RBFOX1: variants seen among roughly 807,000 people sequenced by gnomAD.
RBFOX1 encodes RNA binding fox-1 homolog 1.
In RBFOX1, 8 loss-of-function variants were observed where a neutral mutation model predicts 57.7. That is an observed-to-expected ratio of 0.14 (90% CI 0.08 to 0.25). RBFOX1 has a LOEUF of 0.25. RBFOX1 is among the 10% of genes least tolerant of loss of function. The pLI is 1.00. For synonymous variants in RBFOX1, 326 were observed against 222.4 expected (o/e 1.47, Z -4.15); for missense variants, 611 against 548.5 (o/e 1.11, Z -1.14).
chr16:6,875,158 A>G (rs1294927762), intron 3 of RBFOX1, among the ~76,000 whole-genome samples: 1 of 152,206 alleles, frequency 6.6e-6, no homozygotes, highest in Admixed American at 6.5e-5. Context: ...TAATGCCTAC[A>G]GTGCTTGTGC....
At chr16:6,980,550 C>A (rs561392845) in intron 3 of RBFOX1, among the ~76,000 whole-genome samples, 34 of 152,262 alleles carry the variant, frequency 2.2e-4, no homozygotes, top group South Asian at 8.3e-4. Flanking sequence ...TAACATTTGA[C>A]ATGAGAATCA....
At chr16:5,728,619 G>A (rs1018265396) in intron 3 of RBFOX1, among the ~76,000 whole-genome samples, 56 of 152,078 alleles carry the variant, frequency 3.7e-4, no homozygotes, top group African/African-American at 1.1e-3. Flanking sequence ...GTCACTCCTC[G>A]CACATGTGAG....
At chr16:6,195,453 C>T (rs1400808986) in intron 1 of RBFOX1, among the ~76,000 whole-genome samples, 4 of 152,188 alleles carry the variant, frequency 2.6e-5, no homozygotes, top group Non-Finnish European at 4.4e-5. Flanking sequence ...CGCAGTGGCT[C>T]ATGCCTGTAA....
chr16:5,448,948 C>A (rs55905864), intron 1 of RBFOX1, among the ~76,000 whole-genome samples: 1 of 152,028 alleles, frequency 6.6e-6, no homozygotes, highest in East Asian at 1.9e-4. Flanking sequence ...CTACTGCAGA[C>A]CCCCTGGCTG....
chr16:6,604,434 C>G (rs1368420237), intron 2 of RBFOX1, among the ~76,000 whole-genome samples: 1 of 152,058 alleles, frequency 6.6e-6, no homozygotes, highest in Non-Finnish European at 1.5e-5. Flanking sequence ...ATCTCAGCCT[C>G]CTGAATAGCT....
At chr16:7,428,895 G>A (rs180883534) in intron 4 of RBFOX1, among the ~76,000 whole-genome samples, 346 of 152,188 alleles carry the variant, frequency 2.3e-3, no homozygotes, top group Middle Eastern at 6.8e-3. Context: ...CAGTAGTAGT[G>A]AGTGACACTA....
intron 3 of RBFOX1, among the ~76,000 whole-genome samples, chr16:6,799,296 G>C (rs1342816083): frequency 2.0e-5 from 3 of 152,124 alleles, no homozygotes; most frequent in African/African-American, 4.8e-5. Flanking sequence ...TTGTTGGCTA[G>C]CTGTATTTCT....
chr16:7,155,390 A>G (rs2076877230), intron 4 of RBFOX1, among the ~76,000 whole-genome samples: 2 of 151,812 alleles, frequency 1.3e-5, no homozygotes, highest in South Asian at 4.2e-4. Flanking sequence ...GGAGTTCAAA[A>G]CCAGCCTGGG....
intron 2 of RBFOX1, among the ~76,000 whole-genome samples, chr16:6,330,635 A>G (rs548493607): frequency 1.3e-5 from 2 of 152,350 alleles, no homozygotes; most frequent in South Asian, 4.1e-4. Context: ...GCTAGCCGCG[A>G]GAGACACAGT....
chr16:5,870,940 G>T (rs192586745), intron 4 of RBFOX1, among the ~76,000 whole-genome samples: 43 of 152,138 alleles, frequency 2.8e-4, no homozygotes, highest in Admixed American at 1.3e-3. Context: ...AGGAGATATT[G>T]GTTAAAAGGA....
intron 5 of RBFOX1, among the ~76,000 whole-genome samples, chr16:7,570,155 A>C (rs5028445): frequency 0.39 from 58,001 of 148,236 alleles, 11,562 homozygotes; most frequent in South Asian, 0.53. Context: ...AACGTTCTTA[A>C]AATTTTACTT....
intron 1 of RBFOX1, among the ~76,000 whole-genome samples, chr16:5,290,765 C>T (rs2063514343): frequency 6.6e-6 from 1 of 150,754 alleles, no homozygotes; most frequent in Admixed American, 6.6e-5. Flanking sequence ...GTGGTGTGAT[C>T]TTGGCTCACT....
At chr16:6,261,077 C>A (rs2097698890) in intron 1 of RBFOX1, among the ~76,000 whole-genome samples, 1 of 152,098 alleles carries the variant, frequency 6.6e-6, no homozygotes. Flanking sequence ...ATGTGTTAAA[C>A]CTCTGCACAA....
At chr16:6,973,278 T>G (rs554771871) in intron 3 of RBFOX1, among the ~76,000 whole-genome samples, 1 of 152,284 alleles carries the variant, frequency 6.6e-6, no homozygotes, top group East Asian at 1.9e-4. Flanking sequence ...TGGAATCAAG[T>G]TGATGCATTT....
At chr16:7,150,199 A>G (rs751743792) in intron 4 of RBFOX1, among the ~76,000 whole-genome samples, 1 of 152,148 alleles carries the variant, frequency 6.6e-6, no homozygotes, top group Non-Finnish European at 1.5e-5. Context: ...AGGACAAAAA[A>G]TATGTTTTAT....
intron 1 of RBFOX1, among the ~76,000 whole-genome samples, chr16:5,403,714 G>C (rs1436961039): frequency 2.0e-5 from 3 of 152,122 alleles, no homozygotes; most frequent in Non-Finnish European, 4.4e-5. Context: ...CCGAAGTGCT[G>C]GGGTTACAGG....
At chr16:7,516,688 A>G in intron 4 of RBFOX1, among the ~76,000 whole-genome samples, 1 of 152,226 alleles carries the variant, frequency 6.6e-6, no homozygotes. Flanking sequence ...TGTCTGGAGG[A>G]GGGAAGAGCC....
Position 6,456,560 on chromosome 16 carries a change from A to T in RBFOX1, c.-64+139503A>T, listed in dbSNP as rs146438632. 5.4e-4 allele frequency among the ~76,000 whole-genome samples: 83 copies of T among 152,312 alleles called. 1 individual carries two copies. The East Asian group carries it at 0.015, about 28-fold the overall frequency. ...GGAGTTTAGCTTTTACTTTAAGGAC[A>T]ATTGGGAACCATTGAAGTGGATCAA... is the stretch of plus-strand genomic sequence containing the variant. On this transcript the variant is annotated intron_variant, in intron 2 of 15. Transcript: ENST00000550418.
chr16:6,409,476 G>A (rs1029604653), intron 2 of RBFOX1, among the ~76,000 whole-genome samples: 1 of 152,152 alleles, frequency 6.6e-6, no homozygotes, highest in African/African-American at 2.4e-5. Flanking sequence ...CCTTAAAGTT[G>A]TTTTCCATTT....
Sources: gnomAD v4.1 joint callset for allele counts (sites outside exome capture counted in the v4.1 genomes callset) on GRCh38, gnomAD v4.1.1 for gene constraint, MANE v1.5 for transcripts, NCBI Gene and HGNC (gene_info 2026-07-23, HGNC 2026-07-21) for gene names.